ADAM10: variants seen among roughly 807,000 people sequenced by gnomAD.
The protein encoded by ADAM10 is ADAM metallopeptidase domain 10.
Under a neutral mutation model 90.1 loss-of-function variants are expected in ADAM10, and 17 were observed. The observed-to-expected ratio is 0.19, with a 90% CI of 0.13 to 0.28. The LOEUF is 0.28. Ranked by LOEUF, ADAM10 falls within the 10% of genes least tolerant of loss-of-function variation. ADAM10 has a pLI of 1.00. For synonymous variants in ADAM10, 310 were observed against 298.6 expected (o/e 1.04, Z -0.40); for missense variants, 610 against 914.3 (o/e 0.67, Z 4.29).
chr15:58,611,854 G>T lies in ADAM10; in HGVS notation c.1649C>A (p.Pro550Gln), dbSNP rs1411854812. 1 of 1,614,032 alleles carries T rather than the reference G, an allele frequency of 6.2e-7. No homozygotes were observed. Among genetic ancestry groups the T allele is most frequent in the Non-Finnish European group, 8.5e-7 (1 of 1,180,038 alleles). ...TALCPASDPK[P>Q]NFTDCNRHTQ... is the part of the protein sequence containing the mutation. ...ATGCCTATTACAGTCTGTGAAGTTT[G>T]GTTTAGGGTCAGATGCTGGGCAGAG... Residue 550 changes from proline (P) to glutamine (Q), a missense_variant, in exon 12 of 16, where the codon CCA becomes CAA. Physicochemically the swap from Pro to Gln is moderately conservative, Grantham distance 76. This residue lies in a region of ADAM10 where 150 missense variants were observed against 268.5 expected (regional missense o/e 0.56). Coordinates refer to ENST00000260408, the MANE Select transcript of ADAM10 (RefSeq NM_001110.4).
At chr15:58,616,716 G>A (rs770537430) in intron 11 of ADAM10, among the ~76,000 whole-genome samples, 9 of 152,062 alleles carry the variant, frequency 5.9e-5, no homozygotes, top group Non-Finnish European at 8.8e-5. Context: ...GCACCTCAAC[G>A]AATCAGGAAA....
At chr15:58,669,598 C>A (rs1308017465) in intron 4 of ADAM10, among the ~76,000 whole-genome samples, 1 of 152,116 alleles carries the variant, frequency 6.6e-6, no homozygotes, top group Non-Finnish European at 1.5e-5. Flanking sequence ...GGCAACAGAG[C>A]AAGATTTTTT....
intron 2 of ADAM10, among the ~76,000 whole-genome samples, chr15:58,714,290 C>T (rs1173956335): frequency 2.0e-5 from 2 of 100,016 alleles, no homozygotes; most frequent in African/African-American, 7.2e-5. Context: ...TATACATACA[C>T]ATACACACAC....
intron 14 of ADAM10, among the ~76,000 whole-genome samples, chr15:58,605,620 T>A (rs1895249565): frequency 6.6e-6 from 1 of 152,164 alleles, no homozygotes; most frequent in African/African-American, 2.4e-5. Flanking sequence ...AAAGGGGAGC[T>A]GTCATTCATT....
At chr15:58,673,016 T>C (rs569808677) in intron 4 of ADAM10, 18 of 209,566 alleles carry the variant, frequency 8.6e-5, no homozygotes, top group Admixed American at 7.6e-4. Context: ...AGAAAAACCT[T>C]TAAAGGTAAG....
At chr15:58,627,491 T>C (rs564552110) in intron 10 of ADAM10, among the ~76,000 whole-genome samples, 2 of 152,154 alleles carry the variant, frequency 1.3e-5, no homozygotes, top group African/African-American at 2.4e-5. Context: ...GTGTGAAGTA[T>C]ACTGATGGCT....
At chr15:58,615,741 G>A (rs138095483) in intron 11 of ADAM10, among the ~76,000 whole-genome samples, 1,526 of 152,168 alleles carry the variant, frequency 0.01, 23 homozygotes, top group African/African-American at 0.034. Context: ...AGGCACAGTG[G>A]CTCATTTTGT....
At chr15:58,689,076 G>T (rs1480217401) in intron 2 of ADAM10, among the ~76,000 whole-genome samples, 1 of 151,830 alleles carries the variant, frequency 6.6e-6, no homozygotes, top group African/African-American at 2.4e-5. Flanking sequence ...TACACACAAA[G>T]AAAAACCCAC....
chr15:58,650,057 C>T (rs113628267), intron 5 of ADAM10, among the ~76,000 whole-genome samples: 80 of 152,198 alleles, frequency 5.3e-4, no homozygotes, highest in African/African-American at 1.7e-3. Flanking sequence ...TAACATTTGT[C>T]AATTCTAAAT....
chr15:58,668,051 C>A (rs1418033163), intron 4 of ADAM10, among the ~76,000 whole-genome samples: 1 of 152,056 alleles, frequency 6.6e-6, no homozygotes, highest in Non-Finnish European at 1.5e-5. Context: ...CAGACATGTC[C>A]CTTCTCACCC....
At chr15:58,633,564 AC>A (rs754711544) in intron 8 of ADAM10, among the ~76,000 whole-genome samples, 2 of 152,258 alleles carry the variant, frequency 1.3e-5, no homozygotes, top group Non-Finnish European at 2.9e-5. Context: ...TCAGAAAGAA[AC>A]TCCCAGGACT....
rs1162350060 is a variant in ADAM10, at chr15:58,647,248, A to ATTTCTTTTTTTTTTTTTTTTTTTTTTTTT, written c.586-1045_586-1044insAAAAAAAAAAAAAAAAAAAAAAAAAGAAA. On this transcript the variant is annotated intron_variant, in intron 5 of 15. Coordinates refer to ENST00000260408, the MANE Select transcript of ADAM10 (RefSeq NM_001110.4). ...TGGCAGCAAAGAGTAGACACTAAGT[A>ATTTCTTTTTTTTTTTTTTTTTTTTTTTTT]TTTTTTTTTTTTTTTTTTTTTTTTT... 6.7e-5 allele frequency among the ~76,000 whole-genome samples: 4 copies of ATTTCTTTTTTTTTTTTTTTTTTTTTTTTT among 59,602 alleles called. 1 individual carries two copies. The highest frequency in any genetic ancestry group is 8.7e-4 in the East Asian group (2 of 2,300). 39.1% of individuals were successfully genotyped at this position (59,602 alleles called of 152,430 possible). A position where few individuals can be genotyped will look rare whatever the true frequency, so the allele number is the denominator to read the frequency against.
At chr15:58,664,695 G>A (rs1449360768) in intron 5 of ADAM10, among the ~76,000 whole-genome samples, 2 of 152,108 alleles carry the variant, frequency 1.3e-5, no homozygotes, top group Non-Finnish European at 2.9e-5. Context: ...AAAGTCCTGA[G>A]ATTTTTATTA....
At chr15:58,716,478 A>G (rs1385004232) in intron 2 of ADAM10, among the ~76,000 whole-genome samples, 1 of 152,224 alleles carries the variant, frequency 6.6e-6, no homozygotes, top group East Asian at 1.9e-4. Context: ...AGGACAAATG[A>G]CACAGAACAA....
At chr15:58,686,429 G>A (rs1160886640) in intron 2 of ADAM10, 19 of 1,339,636 alleles carry the variant, frequency 1.4e-5, no homozygotes, top group Admixed American at 9.8e-5. Flanking sequence ...TGGGGCTAGC[G>A]CGAGCGCCCT....
chr15:58,700,433 A>C (rs1295607356), intron 2 of ADAM10, among the ~76,000 whole-genome samples: 2 of 152,224 alleles, frequency 1.3e-5, no homozygotes, highest in African/African-American at 4.8e-5. Context: ...AGAACTTTGG[A>C]AACTGTACAA....
At chr15:58,695,241 G>A (rs1368196668) in intron 2 of ADAM10, among the ~76,000 whole-genome samples, 2 of 152,122 alleles carry the variant, frequency 1.3e-5, no homozygotes, top group Non-Finnish European at 2.9e-5. Context: ...AAGGACCCAA[G>A]CTACTGCTGT....
rs548674264 is a variant in ADAM10 at position 58,618,035 on chromosome 15, G to C, written c.1511+3436C>G. On this transcript the variant is annotated intron_variant, in intron 11 of 15. Transcript: ENST00000260408. ...CAATGACATTCTTCACAGATAAAGAGAAAACAATCCTATAAGTCATATGAA... is the reference window on the plus strand; with the variant it reads ...CAATGACATTCTTCACAGATAAAGACAAAACAATCCTATAAGTCATATGAA... Among the ~76,000 whole-genome samples, 51 of 152,048 alleles carry C rather than the reference G, an allele frequency of 3.4e-4. 1 individual carries two copies. The highest frequency in any genetic ancestry group is 1.2e-3 in the African/African-American group (49 of 41,504).
chr15:58,648,595 A>C (rs1467639878), intron 5 of ADAM10, among the ~76,000 whole-genome samples: 1 of 152,178 alleles, frequency 6.6e-6, no homozygotes, highest in African/African-American at 2.4e-5. Flanking sequence ...CAAGCAGAAA[A>C]AAATAACATA....
Sources: gnomAD v4.1 joint callset for allele counts (sites outside exome capture counted in the v4.1 genomes callset) on GRCh38, gnomAD v4.1.1 for gene constraint, gnomAD v4.1.1 regional missense constraint, MANE v1.5 for transcripts, NCBI Gene and HGNC (gene_info 2026-07-23, HGNC 2026-07-21) for gene names.